PPP2R5C: variants seen among roughly 807,000 people sequenced by gnomAD.
The protein encoded by PPP2R5C is protein phosphatase 2 regulatory subunit B'gamma.
Under a neutral mutation model 68.9 loss-of-function variants are expected in PPP2R5C, and 7 were observed. The ratio of observed to expected loss-of-function variants is 0.10; its 90% confidence interval spans 0.06 to 0.19. The LOEUF (loss-of-function observed/expected upper bound fraction) is 0.19, where lower values mean the gene tolerates loss of function less well. Ranked by LOEUF, PPP2R5C falls within the 10% of genes least tolerant of loss-of-function variation. The probability of loss-of-function intolerance (pLI) is 1.00; values close to 1 mark genes in which losing one functional copy is unlikely to be tolerated. For missense variants in PPP2R5C, 348 were observed against 641.3 expected (o/e 0.54, Z 4.94); for synonymous variants, 210 against 222.2 (o/e 0.95, Z 0.49).
At chr14:101,772,346 A>C (rs1414794527) in intron 2 of PPP2R5C, among the ~76,000 whole-genome samples, 2 of 152,038 alleles carry the variant, frequency 1.3e-5, no homozygotes, top group East Asian at 3.8e-4. Context: ...CCTGATACCC[A>C]CACGAGAAAG....
Position 101,901,267 on chromosome 14 carries a change from AT to A in PPP2R5C, c.853-443del, listed in dbSNP as rs935265065. Among the ~76,000 whole-genome samples, 265 of 150,984 alleles carry A rather than the reference AT, an allele frequency of 1.8e-3. 1 individual carries two copies. The highest frequency in any genetic ancestry group is 5.5e-3 in the South Asian group (26 of 4,758). On this transcript the variant is annotated intron_variant, in intron 8 of 13. Transcript: ENST00000334743. ...TTCTAAATTATTGTCCTAACTTCTT[AT>A]TTTTTTTTCTTTTTTTAAAAAAAGG...
At chr14:101,914,196 G>A (rs943564590) in intron 12 of PPP2R5C, 5 of 455,958 alleles carry the variant, frequency 1.1e-5, no homozygotes, top group African/African-American at 1.0e-4. Flanking sequence ...TTCTGCATAG[G>A]AGCTTTGACG....
At chr14:101,840,897 G>A (rs1457031881) in intron 1 of PPP2R5C, among the ~76,000 whole-genome samples, 1 of 152,204 alleles carries the variant, frequency 6.6e-6, no homozygotes, top group Admixed American at 6.5e-5. Context: ...TGCCTGGAGA[G>A]GATGAAAATG....
chr14:101,846,139 G>A (rs1183642358), intron 1 of PPP2R5C, among the ~76,000 whole-genome samples: 1 of 152,214 alleles, frequency 6.6e-6, no homozygotes, highest in Admixed American at 6.5e-5. Flanking sequence ...CACTTAGAGT[G>A]GGCACATTGA....
intron 2 of PPP2R5C, among the ~76,000 whole-genome samples, chr14:101,784,347 A>C (rs756517434): frequency 5.3e-5 from 8 of 152,188 alleles, no homozygotes; most frequent in Non-Finnish European, 8.8e-5. Context: ...ATTTTCACAC[A>C]GCTATAAAAA....
intron 2 of PPP2R5C, among the ~76,000 whole-genome samples, chr14:101,784,801 G>A (rs769744797): frequency 2.2e-4 from 33 of 152,178 alleles, no homozygotes; most frequent in Non-Finnish European, 1.3e-4. Context: ...TCATCTTGAC[G>A]GTGGACACAG....
rs538388639 is a variant in PPP2R5C at position 101,879,087 on chromosome 14, C to T, written c.295-3074C>T. The T allele has an allele frequency of 2.6e-5, 4 of 152,438 alleles. No individual in the cohort carries two copies. Among genetic ancestry groups the T allele is most frequent in the East Asian group, 1.9e-4 (1 of 5,186 alleles). 9.4% of individuals were successfully genotyped at this position (152,438 alleles called of 1,614,324 possible). ...GACCCTCTGCAAATGGCATCTAAGCCGCACCCCAGGCAGCCTGGCCAGGGA... is the reference window on the plus strand; with the variant it reads ...GACCCTCTGCAAATGGCATCTAAGCTGCACCCCAGGCAGCCTGGCCAGGGA... On this transcript the variant is annotated intron_variant, in intron 2 of 13. Coordinates refer to ENST00000334743, the Ensembl canonical transcript of PPP2R5C. This position sits in a 1 kb window ranked among gnomAD's most constrained non-coding sequence, Gnocchi z 4.2.
chr14:101,888,176 G>C lies in PPP2R5C; in HGVS notation c.630-2061G>C, dbSNP rs1566942433. ...GATCTAGACCAGAAGGGGTCCAGGG[G>C]TCTTTGTCTCGGAGAGGCCCAGATC... On this transcript the variant is annotated intron_variant, in intron 5 of 13. Transcript: ENST00000334743. This position sits in a 1 kb window ranked among gnomAD's most constrained non-coding sequence, Gnocchi z 5.6. Among the ~76,000 whole-genome samples the C allele has an allele frequency of 6.6e-6, 1 of 152,154 alleles. No individual in the cohort carries two copies. Among genetic ancestry groups the C allele is most frequent in the Admixed American group, 6.5e-5 (1 of 15,278 alleles).
At chr14:101,824,105 C>T (rs1295558984) in intron 1 of PPP2R5C, 27 of 1,288,948 alleles carry the variant, frequency 2.1e-5, no homozygotes, top group Non-Finnish European at 2.5e-5. Flanking sequence ...TTTCGGAGCT[C>T]GCACATCCCG....
In PPP2R5C at chr14:101,825,946, G is replaced by A. The variant is rs1470655818; in HGVS notation, c.94+15910G>A. ...AGTGACAAGCATGAAGAATGAAGAG[G>A]GAACTGACCAAGGATCGGTGAGAAT... On this transcript the variant is annotated intron_variant, in intron 1 of 13. Coordinates refer to ENST00000334743, the Ensembl canonical transcript of PPP2R5C. The surrounding 1 kb of genome is among the most constrained non-coding windows in gnomAD (Gnocchi z 4.0). Among the ~76,000 whole-genome samples the A allele has an allele frequency of 1.3e-5, 2 of 152,144 alleles. No homozygotes were observed. Among genetic ancestry groups the A allele is most frequent in the African/African-American group, 4.8e-5 (2 of 41,426 alleles).
At chr14:101,900,887 G>A (rs951700029) in intron 8 of PPP2R5C, among the ~76,000 whole-genome samples, 1 of 152,244 alleles carries the variant, frequency 6.6e-6, no homozygotes, top group African/African-American at 2.4e-5. Context: ...ACTGCAGCCT[G>A]CTCACCGCAG....
intron 2 of PPP2R5C, among the ~76,000 whole-genome samples, chr14:101,873,689 A>G (rs566392564): frequency 1.3e-5 from 2 of 152,332 alleles, no homozygotes; most frequent in African/African-American, 4.8e-5. Context: ...AGTGACCTCT[A>G]CAAATAAATC....
At chr14:101,873,559 A>ATCT (rs2043557866) in intron 2 of PPP2R5C, among the ~76,000 whole-genome samples, 2 of 152,134 alleles carry the variant, frequency 1.3e-5, no homozygotes, top group Non-Finnish European at 2.9e-5. Flanking sequence ...GTGGGAACAG[A>ATCT]CACTGTTCCC....
chr14:101,896,903 A>G (rs2045372752), intron 8 of PPP2R5C, among the ~76,000 whole-genome samples: 1 of 152,188 alleles, frequency 6.6e-6, no homozygotes, highest in Non-Finnish European at 1.5e-5. Context: ...GAAATTCTTA[A>G]CATTGAATTT....
At position 101,853,018 on chromosome 14, in the gene PPP2R5C, A is replaced by G. The variant is rs562622254; in HGVS notation, c.95-3668A>G. Among the ~76,000 whole-genome samples, 4 of 152,346 alleles carry G rather than the reference A, an allele frequency of 2.6e-5. No individual in the cohort carries two copies. In the East Asian group the frequency reaches 7.7e-4, roughly 29 times the overall value. Reference sequence around the variant, plus strand: ...TTGTAATAACACTTTACTGTTACAAATCAGAATACGTAAAGGTATGAAGCA... The same window carrying G: ...TTGTAATAACACTTTACTGTTACAAGTCAGAATACGTAAAGGTATGAAGCA... On this transcript the variant is annotated intron_variant, in intron 1 of 13. Coordinates refer to ENST00000334743, the Ensembl canonical transcript of PPP2R5C.
Position 101,917,786 on chromosome 14 carries a change from A to G in PPP2R5C, c.1327-45A>G. The G allele has an allele frequency of 6.2e-7, 1 of 1,609,620 alleles. No homozygotes were observed. The highest frequency in any genetic ancestry group is 8.5e-7 in the Non-Finnish European group (1 of 1,177,208). ...AGCCAGGATGAGAAGCTTGGAGTTCAGAGCCTGGGCACCTAACAGAGCGAC... is the reference window on the plus strand; with the variant it reads ...AGCCAGGATGAGAAGCTTGGAGTTCGGAGCCTGGGCACCTAACAGAGCGAC... On this transcript the variant is annotated intron_variant, in intron 12 of 13. Coordinates refer to ENST00000334743, the Ensembl canonical transcript of PPP2R5C. This position sits in a 1 kb window ranked among gnomAD's most constrained non-coding sequence, Gnocchi z 4.4.
intron 13 of PPP2R5C, chr14:101,922,097 C>G (rs1019422086): frequency 2.0e-6 from 2 of 985,248 alleles, no homozygotes; most frequent in Admixed American, 1.2e-4. Context: ...AAGGCCTGTT[C>G]TCCAGGAGAA....
chr14:101,818,575 A>G (rs2039857112), intron 1 of PPP2R5C: 1 of 160,446 alleles, frequency 6.2e-6, no homozygotes. Context: ...CGGAGGTTGC[A>G]GTGAGCCGAG....
intron 2 of PPP2R5C, among the ~76,000 whole-genome samples, chr14:101,859,731 G>A (rs1271604410): frequency 6.6e-6 from 1 of 152,138 alleles, no homozygotes; most frequent in Non-Finnish European, 1.5e-5. Context: ...GGCCTGGTGT[G>A]GCAGGCAGCA....
Sources: gnomAD v4.1 joint callset for allele counts (sites outside exome capture counted in the v4.1 genomes callset) on GRCh38, gnomAD v4.1.1 for gene constraint, Gnocchi (gnomAD v3.1) non-coding constraint, MANE v1.5 for transcripts, NCBI Gene and HGNC (gene_info 2026-07-23, HGNC 2026-07-21) for gene names.